The following EPS8 variants were observed in gnomAD, a reference collection of about 807,000 sequenced individuals.
EPS8 encodes the protein epidermal growth factor receptor kinase substrate 8.
A neutral mutation model predicts 103.8 loss-of-function variants in EPS8; 42 were observed. That is an observed-to-expected ratio of 0.40 (90% CI 0.32 to 0.52). The LOEUF (loss-of-function observed/expected upper bound fraction) is 0.52, where lower values mean the gene tolerates loss of function less well. Ranked by LOEUF, EPS8 falls within the 20% of genes least tolerant of loss-of-function variation. The pLI, the probability that EPS8 is intolerant of heterozygous loss-of-function variation, is 0.40. For synonymous variants in EPS8, 344 were observed against 344.6 expected (o/e 1.00, Z 0.02); for missense variants, 969 against 1,005.1 (o/e 0.96, Z 0.49).
Position 15,621,193 on chromosome 12 carries a change from G to GTT in EPS8, c.*122_*123dup, listed in dbSNP as rs56392718. Reference sequence around the variant, plus strand: ...CCTGTGCTCACTCAGGTTTGCATGGGTTTTTTTTTATGGTGATAAATTACA... The same window carrying GTT: ...CCTGTGCTCACTCAGGTTTGCATGGGTTTTTTTTTTTATGGTGATAAATTACA... On this transcript the variant is annotated 3_prime_UTR_variant, in exon 21 of 21. Coordinates refer to ENST00000281172, the MANE Select transcript of EPS8 (RefSeq NM_004447.6). 29,923 of 372,710 alleles carry GTT rather than the reference G, an allele frequency of 0.08. 2 individuals carry two copies. The highest frequency in any genetic ancestry group is 0.12 in the South Asian group (2,627 of 21,124). The allele number at this position is 372,710 out of a possible 1,614,324, so 23.1% of individuals were successfully genotyped here.
rs760650008 is a variant in EPS8 at position 15,665,867 on chromosome 12, T to C, written c.625A>G (p.Ile209Val). 7.4e-6 allele frequency: 12 copies of C among 1,613,992 alleles called. 1 individual carries two copies. The East Asian group carries it at 1.3e-4, about 18-fold the overall frequency. Reference protein sequence around the residue: ...LRMISNADPSIPPPPRAPAPA... With the variant: ...LRMISNADPSVPPPPRAPAPA... ...GCAGGAGCTCTGGGTGGAGGCGGTATACTAGGGTCTGCATTGGAAATCATC... is the reference window on the plus strand; with the variant it reads ...GCAGGAGCTCTGGGTGGAGGCGGTACACTAGGGTCTGCATTGGAAATCATC... Residue 209 changes from isoleucine (I) to valine (V), a missense_variant, in exon 8 of 21, where the codon ATA becomes GTA. Transcript: ENST00000281172.
At chr12:15,737,238 T>C (rs1431727538) in intron 1 of EPS8, among the ~76,000 whole-genome samples, 1 of 152,082 alleles carries the variant, frequency 6.6e-6, no homozygotes, top group Non-Finnish European at 1.5e-5. Flanking sequence ...AAAAGACATA[T>C]AATGTTTAAT....
chr12:15,636,534 T>G (rs191642986), intron 17 of EPS8, among the ~76,000 whole-genome samples: 19 of 152,332 alleles, frequency 1.2e-4, no homozygotes, highest in African/African-American at 4.6e-4. Context: ...CTGCCTGGTA[T>G]GAGCATCCCT....
At chr12:15,629,298 C>A (rs1945003119) in intron 18 of EPS8, among the ~76,000 whole-genome samples, 1 of 152,198 alleles carries the variant, frequency 6.6e-6, no homozygotes, top group Non-Finnish European at 1.5e-5. Flanking sequence ...ACACACTGCT[C>A]CAAATGGGGA....
At chr12:15,676,692 C>T (rs2135870831) in intron 3 of EPS8, among the ~76,000 whole-genome samples, 1 of 152,188 alleles carries the variant, frequency 6.6e-6, no homozygotes, top group African/African-American at 2.4e-5. Context: ...ATAAAATTTC[C>T]AGTATTCTGA....
chr12:15,758,775 A>G (rs1947013003), intron 1 of EPS8, among the ~76,000 whole-genome samples: 1 of 152,222 alleles, frequency 6.6e-6, no homozygotes, highest in Non-Finnish European at 1.5e-5. Context: ...AAAGTGATAT[A>G]GTGGTTATGT....
chr12:15,632,952 T>C (rs1350270577), intron 17 of EPS8, among the ~76,000 whole-genome samples: 2 of 151,984 alleles, frequency 1.3e-5, no homozygotes, highest in Non-Finnish European at 2.9e-5. Context: ...GGAAGCGTAT[T>C]ATGAAAGGAT....
chr12:15,679,435 T>C (rs1257426967), intron 3 of EPS8, among the ~76,000 whole-genome samples: 1 of 152,222 alleles, frequency 6.6e-6, no homozygotes, highest in Non-Finnish European at 1.5e-5. Flanking sequence ...ATTCTGCAAG[T>C]ATTTTCTGAG....
In EPS8 at chr12:15,665,823, G is replaced by A. The variant is rs554537082; in HGVS notation, c.669C>T (p.Thr223=). 229 of 1,613,430 alleles carry A rather than the reference G, an allele frequency of 1.4e-4. No homozygotes were observed. Among genetic ancestry groups the A allele is most frequent in the Non-Finnish European group, 1.9e-4 (225 of 1,179,722 alleles). ...PRAPAPAPPG[T]VTQVDVRSRV... Reference sequence around the variant, plus strand: ...GACTTCTAACATCCACCTGGGTGACGGTCCCAGGGGGCGCAGGGGCAGGAG... The same window carrying A: ...GACTTCTAACATCCACCTGGGTGACAGTCCCAGGGGGCGCAGGGGCAGGAG... Residue 223 remains threonine (T), a synonymous_variant, in exon 8 of 21, where the codon ACC becomes ACT. Coordinates refer to ENST00000281172, the MANE Select transcript of EPS8 (RefSeq NM_004447.6).
At chr12:15,658,331 T>C (rs557853619) in intron 11 of EPS8, among the ~76,000 whole-genome samples, 166 bp downstream of exon 11, 20 of 152,340 alleles carry the variant, frequency 1.3e-4, no homozygotes, top group African/African-American at 4.6e-4. Flanking sequence ...CTTAGATATA[T>C]ATGTTTTAAA....
chr12:15,627,389 A>G (rs1352676474), intron 18 of EPS8, among the ~76,000 whole-genome samples: 2 of 152,154 alleles, frequency 1.3e-5, no homozygotes, highest in Admixed American at 6.5e-5. Context: ...GCTTGCATCT[A>G]TATCCTAATA....
At chr12:15,724,399 G>C (rs1258603681) in intron 1 of EPS8, among the ~76,000 whole-genome samples, 1 of 151,976 alleles carries the variant, frequency 6.6e-6, no homozygotes, top group African/African-American at 2.4e-5. Context: ...TAGTCACTTT[G>C]TATGAGTCTT....
intron 1 of EPS8, among the ~76,000 whole-genome samples, chr12:15,750,437 G>A (rs1332615764): frequency 6.6e-6 from 1 of 152,150 alleles, no homozygotes; most frequent in South Asian, 2.1e-4. Context: ...CACTCAATTT[G>A]AGCATTTGGG....
In EPS8 at chr12:15,767,927, C is replaced by G. The variant is rs1485479754; in HGVS notation, c.-22+21234G>C. 6.6e-6 allele frequency among the ~76,000 whole-genome samples: 1 copy of G among 152,130 alleles called. No homozygotes were observed. Among genetic ancestry groups the G allele is most frequent in the African/African-American group, 2.4e-5 (1 of 41,416 alleles). ...GTTGTTATTTTACAAATAAAGTTTTCCATTCAATTTAGAATAATGTAAAGA... is the reference window on the plus strand; with the variant it reads ...GTTGTTATTTTACAAATAAAGTTTTGCATTCAATTTAGAATAATGTAAAGA... On this transcript the variant is annotated intron_variant, in intron 1 of 20. Transcript: ENST00000281172. This position sits in a 1 kb window ranked among gnomAD's most constrained non-coding sequence, Gnocchi z 5.5.
chr12:15,761,028 T>C lies in EPS8; in HGVS notation c.-22+28133A>G, dbSNP rs1947036086. On this transcript the variant is annotated intron_variant, in intron 1 of 20. Coordinates refer to ENST00000281172, the MANE Select transcript of EPS8 (RefSeq NM_004447.6). The surrounding 1 kb of genome is among the most constrained non-coding windows in gnomAD (Gnocchi z 4.5). Reference sequence around the variant, plus strand: ...TTATCCTTGTCTGCAGATGATATGATCTTATATTTGGAAAAACCTAAAGAC... The same window carrying C: ...TTATCCTTGTCTGCAGATGATATGACCTTATATTTGGAAAAACCTAAAGAC... Among the ~76,000 whole-genome samples, 1 of 152,052 alleles carries C rather than the reference T, an allele frequency of 6.6e-6. No homozygotes were observed. The highest frequency in any genetic ancestry group is 1.5e-5 in the Non-Finnish European group (1 of 67,974).
intron 1 of EPS8, among the ~76,000 whole-genome samples, chr12:15,685,501 A>G (rs887770600): frequency 9.2e-5 from 14 of 152,238 alleles, no homozygotes; most frequent in African/African-American, 2.4e-4. Flanking sequence ...TAGCCACAGC[A>G]TCTCATCTTT....
In EPS8 at chr12:15,631,637, GTCT is replaced by G; in HGVS notation, c.1846_1848del (p.Arg616del). 6.2e-7 allele frequency: 1 copy of G among 1,613,728 alleles called. No individual in the cohort carries two copies. On this transcript the variant is annotated inframe_deletion, in exon 18 of 21. Coordinates refer to ENST00000281172, the MANE Select transcript of EPS8 (RefSeq NM_004447.6). ...GATGGAGCAGGGGGAGTATCAGCTG[GTCT>G]TGGGCCATACTCCATCCTTTGTTTC...
intron 14 of EPS8, among the ~76,000 whole-genome samples, chr12:15,648,429 T>C (rs982473478): frequency 2.0e-4 from 30 of 152,162 alleles, no homozygotes; most frequent in African/African-American, 7.2e-4. Context: ...TTAATTCTAA[T>C]GACAAAGTGA....
intron 19 of EPS8, 76 bp from the exon 20 acceptor site, chr12:15,623,363 C>T: frequency 2.3e-6 from 3 of 1,316,814 alleles, no homozygotes; most frequent in Non-Finnish European, 3.1e-6. Flanking sequence ...TTATCTGTTC[C>T]TGCTAGTAAC....
Sources: gnomAD v4.1 joint callset for allele counts (sites outside exome capture counted in the v4.1 genomes callset) on GRCh38, gnomAD v4.1.1 for gene constraint, Gnocchi (gnomAD v3.1) non-coding constraint, MANE v1.5 for transcripts, NCBI Gene and HGNC (gene_info 2026-07-23, HGNC 2026-07-21) for gene names.